MAPK4: variants seen among roughly 807,000 people sequenced by gnomAD.
MAPK4 encodes Erk3-related.
Under a neutral mutation model 47.7 loss-of-function variants are expected in MAPK4, and 22 were observed. The observed-to-expected ratio is 0.46, with a 90% CI of 0.33 to 0.66. The LOEUF is 0.66. MAPK4 is among the 30% of genes least tolerant of loss of function. MAPK4 has a pLI of 0.02. For synonymous variants in MAPK4, 390 were observed against 365.7 expected (o/e 1.07, Z -0.76); for missense variants, 736 against 831.7 (o/e 0.88, Z 1.42).
intron 1 of MAPK4, among the ~76,000 whole-genome samples, chr18:50,585,168 T>C (rs2042377972): frequency 6.6e-6 from 1 of 152,076 alleles, no homozygotes; most frequent in Admixed American, 6.5e-5. Flanking sequence ...GCCCCAGAGG[T>C]TCTGATTTAA....
At chr18:50,689,863 C>G (rs1397487699) in intron 2 of MAPK4, among the ~76,000 whole-genome samples, 1 of 152,218 alleles carries the variant, frequency 6.6e-6, no homozygotes. Context: ...GAAGTCTATT[C>G]ACTAGGTAAC....
intron 1 of MAPK4, among the ~76,000 whole-genome samples, chr18:50,633,765 A>G (rs1031999993): frequency 6.6e-6 from 1 of 152,218 alleles, no homozygotes; most frequent in East Asian, 1.9e-4. Context: ...TCTCCTCCTG[A>G]TGGTTGATAG....
intron 1 of MAPK4, among the ~76,000 whole-genome samples, chr18:50,593,681 A>G (rs900928492): frequency 2.6e-5 from 4 of 152,218 alleles, no homozygotes; most frequent in Non-Finnish European, 5.9e-5. Flanking sequence ...ATGCAGTCCC[A>G]GTGAAAACCC....
intron 1 of MAPK4, among the ~76,000 whole-genome samples, chr18:50,570,098 G>T (rs933181441): frequency 8.5e-5 from 13 of 152,232 alleles, no homozygotes; most frequent in Non-Finnish European, 1.3e-4. Context: ...GCTGGCAGGA[G>T]GTGGGACCCA....
At chr18:50,702,921 T>C (rs931292553) in intron 2 of MAPK4, among the ~76,000 whole-genome samples, 2 of 152,188 alleles carry the variant, frequency 1.3e-5, no homozygotes, top group Non-Finnish European at 2.9e-5. Flanking sequence ...CTCGAACAGG[T>C]GACCCGGGAG....
At chr18:50,675,949 T>C (rs1042339295) in intron 2 of MAPK4, among the ~76,000 whole-genome samples, 4 of 152,358 alleles carry the variant, frequency 2.6e-5, no homozygotes, top group Admixed American at 2.6e-4. Context: ...GAACAGGTGC[T>C]ATGTGATTTA....
Position 50,621,745 on chromosome 18 carries a change from T to C in MAPK4, c.-870-41344T>C, listed in dbSNP as rs118123799. ...CTTTTTTCCAGAAATGAAACCTCCA[T>C]TGTTGCTAGAGAGTTTGAGTTCTAA... On this transcript the variant is annotated intron_variant, in intron 1 of 5. Coordinates refer to ENST00000400384, the MANE Select transcript of MAPK4 (RefSeq NM_002747.4). Among the ~76,000 whole-genome samples, 378 of 152,318 alleles carry C rather than the reference T, an allele frequency of 2.5e-3. 4 individuals carry two copies. In the East Asian group the frequency reaches 0.041, roughly 16 times the overall value.
At chr18:50,660,701 G>A (rs566619618) in intron 1 of MAPK4, among the ~76,000 whole-genome samples, 1 of 152,332 alleles carries the variant, frequency 6.6e-6, no homozygotes, top group Admixed American at 6.5e-5. Flanking sequence ...AAAGAAGTGA[G>A]ACTTTGGATT....
At chr18:50,620,751 A>AT (rs1302002298) in intron 1 of MAPK4, among the ~76,000 whole-genome samples, 23 of 151,608 alleles carry the variant, frequency 1.5e-4, no homozygotes, top group South Asian at 8.3e-4. Flanking sequence ...TAAAAATTAA[A>AT]AATATATATA....
At chr18:50,638,369 C>T (rs1018776407) in intron 1 of MAPK4, among the ~76,000 whole-genome samples, 1 of 152,216 alleles carries the variant, frequency 6.6e-6, no homozygotes, top group African/African-American at 2.4e-5. Flanking sequence ...GCTTGCCTTT[C>T]AAAAGTGAAT....
At chr18:50,601,100 A>T in intron 1 of MAPK4, among the ~76,000 whole-genome samples, 1 of 59,314 alleles carries the variant, frequency 1.7e-5, no homozygotes, top group African/African-American at 3.8e-5. Context: ...ATCTCTGTAA[A>T]AAAAAAAAAA....
At chr18:50,592,415 G>A (rs2042444230) in intron 1 of MAPK4, among the ~76,000 whole-genome samples, 1 of 152,138 alleles carries the variant, frequency 6.6e-6, no homozygotes, top group South Asian at 2.1e-4. Flanking sequence ...TTAGAACAAA[G>A]CCATTCCCCC....
rs139161792 is a variant in MAPK4 at position 50,645,984 on chromosome 18, C to G, written c.-870-17105C>G. On this transcript the variant is annotated intron_variant, in intron 1 of 5. Coordinates refer to ENST00000400384, the MANE Select transcript of MAPK4 (RefSeq NM_002747.4). The stretch of plus-strand genomic sequence containing the variant: ...AATGGGATCTATGTGATTATTTCAG[C>G]AATCTTTTGTGTGGTATTTTTACTT... Among the ~76,000 whole-genome samples the G allele has an allele frequency of 3.5e-3, 536 of 152,286 alleles. 8 individuals are homozygous for G. The highest frequency in any genetic ancestry group is 3.0e-3 in the Non-Finnish European group (204 of 68,034).
intron 2 of MAPK4, among the ~76,000 whole-genome samples, chr18:50,714,166 G>A (rs1910513027): frequency 6.6e-6 from 1 of 152,066 alleles, no homozygotes; most frequent in South Asian, 2.1e-4. Context: ...GGATCTCCTT[G>A]GTCCTAACTG....
At chr18:50,639,848 G>C (rs1198403374) in intron 1 of MAPK4, among the ~76,000 whole-genome samples, 3 of 152,162 alleles carry the variant, frequency 2.0e-5, no homozygotes, top group African/African-American at 7.2e-5. Context: ...TAGGAACCTG[G>C]AACAGTGGGA....
At chr18:50,565,633 T>C (rs2042192247) in intron 1 of MAPK4, among the ~76,000 whole-genome samples, 1 of 152,206 alleles carries the variant, frequency 6.6e-6, no homozygotes, top group Non-Finnish European at 1.5e-5. Context: ...AAGGGCTGCA[T>C]GTGGGACTGT....
rs1284356652 is a variant in MAPK4, at chr18:50,729,366, C to T, written c.1276C>T (p.Arg426Cys). Residue 426 changes from arginine (R) to cysteine (C), a missense_variant, in exon 6 of 6, where the codon CGC (arginine) becomes TGC (cysteine). Physicochemically the swap from Arg to Cys is radical, Grantham distance 180. Coordinates refer to ENST00000400384, the MANE Select transcript of MAPK4 (RefSeq NM_002747.4). ...MERAFEADYGRSCDYKVGSPS... is the reference protein window; with the variant it reads ...MERAFEADYGCSCDYKVGSPS... ...GCGCGCCTTCGAGGCCGACTACGGGCGCTCCTGCGACTACAAGGTGGGGTC... is the reference window on the plus strand; with the variant it reads ...GCGCGCCTTCGAGGCCGACTACGGGTGCTCCTGCGACTACAAGGTGGGGTC... 1 of 1,575,096 alleles carries T rather than the reference C, an allele frequency of 6.3e-7. No individual in the cohort carries two copies. Among genetic ancestry groups the T allele is most frequent in the East Asian group, 2.3e-5 (1 of 43,144 alleles).
At chr18:50,709,709 T>C (rs1910247682) in intron 2 of MAPK4, among the ~76,000 whole-genome samples, 1 of 152,056 alleles carries the variant, frequency 6.6e-6, no homozygotes, top group Non-Finnish European at 1.5e-5. Context: ...AAGTGATGAG[T>C]GCAGGAGCCA....
intron 2 of MAPK4, among the ~76,000 whole-genome samples, chr18:50,698,168 C>T (rs143994603): frequency 4.5e-4 from 68 of 152,256 alleles, no homozygotes; most frequent in African/African-American, 1.5e-3. Context: ...AAAATCAAAT[C>T]GGGCTACAAT....
Sources: gnomAD v4.1 joint callset for allele counts (sites outside exome capture counted in the v4.1 genomes callset) on GRCh38, gnomAD v4.1.1 for gene constraint, MANE v1.5 for transcripts, NCBI Gene and HGNC (gene_info 2026-07-23, HGNC 2026-07-21) for gene names.